Variants in HTR2C observed in about 807,000 individuals in gnomAD.
HTR2C encodes 5-hydroxytryptamine receptor 2C.
HTR2C carries 5 observed loss-of-function variants against 21.0 expected under a neutral mutation model. The observed-to-expected ratio is 0.24, with a 90% confidence interval of 0.12 to 0.50. The LOEUF (loss-of-function observed/expected upper bound fraction) is 0.50. Among genes scored for constraint, HTR2C ranks in the 20% least tolerant of loss-of-function variants. The pLI, the probability that HTR2C is intolerant of heterozygous loss-of-function variation, is 0.98. For missense variants in HTR2C, 271 were observed against 371.2 expected, an observed-to-expected ratio of 0.73 and a Z score of 2.22; for synonymous variants, 150 against 145.3, an observed-to-expected ratio of 1.03 and a Z score of -0.23.
intron 4 of HTR2C, among the ~76,000 whole-genome samples, chrX:114,784,651 G>A (rs782630580): frequency 1.9e-5 from 2 of 103,712 alleles, no homozygotes; most frequent in South Asian, 4.4e-4. Flanking sequence ...TTTTTTTCTC[G>A]CTCTGTCGCC....
chrX:114,836,314 G>A lies in HTR2C; in HGVS notation c.350-11689G>A, dbSNP rs372063457. Among the ~76,000 whole-genome samples, 581 of 111,865 alleles carry A rather than the reference G, an allele frequency of 5.2e-3. 5 individuals carry two copies. Among genetic ancestry groups the A allele is most frequent in the African/African-American group, 0.018 (551 of 30,944 alleles). On this transcript the variant is annotated intron_variant, in intron 4 of 5. Coordinates refer to ENST00000276198, the MANE Select transcript of HTR2C (RefSeq NM_000868.4). ...GCGCCCCTCCCCCAGCCTCGCTGCC[G>A]CCTTGCAGTTTGATCTCAGACTGCT...
chrX:114,820,384 A>T (rs1270837312), intron 4 of HTR2C, among the ~76,000 whole-genome samples: 4 of 110,258 alleles, frequency 3.6e-5, no homozygotes, highest in Admixed American at 2.0e-4. Context: ...TCCTTTGTTT[A>T]AAAAAGTAAA....
chrX:114,903,089 A>AC (rs1181196399), intron 5 of HTR2C, among the ~76,000 whole-genome samples: 1 of 111,115 alleles, frequency 9.0e-6, no homozygotes, highest in Non-Finnish European at 1.9e-5. Context: ...AGTCTCAGAC[A>AC]CCCCCCTAGG....
chrX:114,885,229 T>G (rs1556480949), intron 5 of HTR2C, among the ~76,000 whole-genome samples: 1 of 111,803 alleles, frequency 8.9e-6, no homozygotes, highest in Non-Finnish European at 1.9e-5. Context: ...TAAATAGTCA[T>G]GAACTATATA....
At chrX:114,661,313 G>A (rs1556410124) in intron 2 of HTR2C, among the ~76,000 whole-genome samples, 1 of 110,265 alleles carries the variant, frequency 9.1e-6, no homozygotes, top group East Asian at 2.9e-4. Flanking sequence ...GTGGTGGTGG[G>A]CGCCTCTAGT....
At chrX:114,697,524 C>T (rs5988082) in intron 2 of HTR2C, among the ~76,000 whole-genome samples, 1,309 of 112,015 alleles carry the variant, frequency 0.012, 13 homozygotes, top group African/African-American at 0.04. Context: ...AAGCCTGAAT[C>T]TTCCGTATTT....
intron 2 of HTR2C, among the ~76,000 whole-genome samples, chrX:114,680,972 A>T (rs1339743272): frequency 9.0e-6 from 1 of 111,491 alleles, no homozygotes; most frequent in East Asian, 2.8e-4. Flanking sequence ...CCTTCTAGGG[A>T]TAAAATACTG....
intron 4 of HTR2C, among the ~76,000 whole-genome samples, chrX:114,787,539 C>G (rs1556442380): frequency 8.9e-6 from 1 of 111,979 alleles, no homozygotes; most frequent in African/African-American, 3.3e-5. Flanking sequence ...AATTAAATAG[C>G]TTAGAAAAGG....
rs5988114 is a variant in HTR2C, at chrX:114,725,005, C to T, written c.-79-1853C>T. Among the ~76,000 whole-genome samples, 465 of 110,378 alleles carry T rather than the reference C, an allele frequency of 4.2e-3. 2 individuals carry two copies. Among genetic ancestry groups the T allele is most frequent in the African/African-American group, 0.014 (433 of 30,353 alleles). On this transcript the variant is annotated intron_variant, in intron 2 of 5. Transcript: ENST00000276198. ...GACAAGTGTGTGTCTTAGAGTTGCT[C>T]TTCTCGAGGAGTATCTTTGTGGCGT...
At chrX:114,735,269 A>C (rs2069579794) in intron 4 of HTR2C, among the ~76,000 whole-genome samples, 1 of 111,146 alleles carries the variant, frequency 9.0e-6, no homozygotes, top group East Asian at 2.8e-4. Flanking sequence ...GTTAGCCAAG[A>C]TTGAGCCACT....
intron 1 of HTR2C, among the ~76,000 whole-genome samples, chrX:114,604,240 G>A (rs1928286594): frequency 9.1e-6 from 1 of 110,114 alleles, no homozygotes; most frequent in African/African-American, 3.3e-5. Flanking sequence ...GAATAGTCAG[G>A]GAAGCAGGTA....
At chrX:114,736,235 C>T (rs1402755958) in intron 4 of HTR2C, among the ~76,000 whole-genome samples, 1 of 111,366 alleles carries the variant, frequency 9.0e-6, no homozygotes, top group Non-Finnish European at 1.9e-5. Context: ...GAAGCTATCA[C>T]TCTATTAAAC....
chrX:114,675,858 TTTC>T (rs2147851529), intron 2 of HTR2C, among the ~76,000 whole-genome samples: 1 of 97,932 alleles, frequency 1.0e-5, no homozygotes, highest in Non-Finnish European at 2.1e-5. Flanking sequence ...AGACTTTTCG[TTTC>T]TTTTTTCTTT....
intron 4 of HTR2C, among the ~76,000 whole-genome samples, chrX:114,783,886 T>C (rs1387383781): frequency 2.7e-5 from 3 of 110,923 alleles, no homozygotes; most frequent in Non-Finnish European, 5.7e-5. Flanking sequence ...AACTGAACTA[T>C]AACAAAATAC....
chrX:114,653,199 T>C (rs1930652940), intron 2 of HTR2C, among the ~76,000 whole-genome samples: 1 of 109,759 alleles, frequency 9.1e-6, no homozygotes, highest in South Asian at 3.9e-4. Context: ...CAGTAATTAC[T>C]CTGCCCATCA....
At chrX:114,726,268 A>T (rs781953919) in intron 2 of HTR2C, among the ~76,000 whole-genome samples, 1 of 112,180 alleles carries the variant, frequency 8.9e-6, no homozygotes, top group Non-Finnish European at 1.9e-5. Context: ...GGTGGGAGTG[A>T]CCCGATTTTC....
Position 114,875,201 on chromosome X carries a change from C to G in HTR2C, c.550+26998C>G, listed in dbSNP as rs782298166. 2.7e-5 allele frequency among the ~76,000 whole-genome samples: 3 copies of G among 111,115 alleles called. No homozygotes were observed. The Admixed American group carries it at 2.9e-4, about 11-fold the overall frequency. On this transcript the variant is annotated intron_variant, in intron 5 of 5. Transcript: ENST00000276198. ...TAATTTCATTCATGAGGGATCTGCC[C>G]TCATGGCCTAATCATTTCCCAAAGG...
intron 2 of HTR2C, among the ~76,000 whole-genome samples, chrX:114,628,347 T>TC: frequency 9.2e-6 from 1 of 108,386 alleles, no homozygotes; most frequent in Non-Finnish European, 1.9e-5. Flanking sequence ...CAAGTGATTC[T>TC]TGTGCCTCAG....
chrX:114,772,025 C>T (rs992605934), intron 4 of HTR2C, among the ~76,000 whole-genome samples: 1 of 112,097 alleles, frequency 8.9e-6, no homozygotes, highest in African/African-American at 3.2e-5. Flanking sequence ...ATGAAAGTAG[C>T]CCCAAGTGAA....
Sources: gnomAD v4.1 joint callset for allele counts (sites outside exome capture counted in the v4.1 genomes callset) on GRCh38, gnomAD v4.1.1 for gene constraint, MANE v1.5 for transcripts, NCBI Gene and HGNC (gene_info 2026-07-23, HGNC 2026-07-21) for gene names.